IKBIP: variants seen among roughly 807,000 people sequenced by gnomAD.
The protein encoded by IKBIP is IKBKB interacting protein, also known as inhibitor of nuclear factor kappa-B kinase-interacting protein.
A neutral mutation model predicts 31.0 loss-of-function variants in IKBIP; 28 were observed. The ratio of observed to expected loss-of-function variants is 0.90; its 90% CI spans 0.67 to 1.24. IKBIP has a LOEUF of 1.24. IKBIP is among the 50% of genes most tolerant of loss of function. The pLI is 0.00. For missense variants in IKBIP, 453 were observed against 441.9 expected (o/e 1.03, Z -0.23); for synonymous variants, 164 against 160.3 (o/e 1.02, Z -0.17).
At chr12:98,614,696 C>A (rs2028302) in intron 2 of IKBIP, among the ~76,000 whole-genome samples, 49,838 of 152,012 alleles carry the variant, frequency 0.33, 9,026 homozygotes, top group East Asian at 0.51. Flanking sequence ...TAAATCCATG[C>A]CTGGGATTAC....
intron 2 of IKBIP, 115 bp downstream of exon 2, chr12:98,634,181 T>G: frequency 3.2e-6 from 2 of 622,322 alleles, no homozygotes; most frequent in Non-Finnish European, 2.9e-6. Context: ...TCAGTGAGAG[T>G]TAAAATAGTG....
chr12:98,615,475 C>T (rs906646840), intron 2 of IKBIP, among the ~76,000 whole-genome samples: 12 of 152,222 alleles, frequency 7.9e-5, no homozygotes, highest in Non-Finnish European at 1.2e-4. Context: ...GTGATTCGCC[C>T]GCCTCGACCT....
exon 3 of IKBIP, chr12:98,613,606 T>C: frequency 1.3e-6 from 2 of 1,513,640 alleles, no homozygotes; most frequent in Non-Finnish European, 1.8e-6. Context: ...CTGAAATGTG[T>C]GCTATTTCAT....
At chr12:98,631,789 C>G (rs1017695963) in intron 2 of IKBIP, among the ~76,000 whole-genome samples, 2 of 133,802 alleles carry the variant, frequency 1.5e-5, no homozygotes, top group African/African-American at 6.0e-5. Flanking sequence ...TGACCTCCCC[C>G]ACAAAAAAAA....
At chr12:98,632,621 T>C (rs78722274) in intron 2 of IKBIP, among the ~76,000 whole-genome samples, 6,831 of 66,488 alleles carry the variant, frequency 0.1, 589 homozygotes, top group African/African-American at 0.31. Context: ...CAGATTCCAA[T>C]TTTTTTTTTT....
At chr12:98,620,623 C>T (rs1362816668), downstream of IKBIP, among the ~76,000 whole-genome samples, 2 of 152,132 alleles carry the variant, frequency 1.3e-5, no homozygotes, top group African/African-American at 4.8e-5. Context: ...CCTCAGCCTC[C>T]CAAAGCGCTG....
chr12:98,638,997 T>C (rs561081145), intron 1 of IKBIP, among the ~76,000 whole-genome samples: 4 of 152,308 alleles, frequency 2.6e-5, no homozygotes, highest in Admixed American at 6.5e-5. Context: ...CCTGGAACAA[T>C]AGAGCCATAG....
chr12:98,644,675 C>A lies in IKBIP; in HGVS notation c.27G>T (p.Lys9Asn), dbSNP rs768916963. The A allele has an allele frequency of 8.1e-6, 13 of 1,610,420 alleles. No individual in the cohort carries two copies. The South Asian group carries it at 1.3e-4, about 16-fold the overall frequency. ...CAGCAGGGGCTCCCTTGGGCCCCGA[C>A]TTCTTCCGGCTCTTCACCTCAGACA... is the stretch of plus-strand genomic sequence containing the variant. MSEVKSRK[K>N]SGPKGAPAAE... Residue 9 changes from lysine to asparagine, a missense_variant, in exon 1 of 3, where the codon AAG (lysine) becomes AAT (asparagine). Physicochemically the swap from Lys to Asn is moderately conservative, Grantham distance 94. Transcript: ENST00000299157.
chr12:98,631,344 A>C (rs1287434398), intron 2 of IKBIP, among the ~76,000 whole-genome samples: 1 of 150,426 alleles, frequency 6.6e-6, no homozygotes, highest in African/African-American at 2.4e-5. Flanking sequence ...GCAGTGGTGC[A>C]ATCTCGGCTC....
chr12:98,616,359 TGA>T (rs1000228426), intron 2 of IKBIP, among the ~76,000 whole-genome samples: 2 of 152,166 alleles, frequency 1.3e-5, no homozygotes, highest in African/African-American at 4.8e-5. Context: ...GCTATTGAGT[TGA>T]GTTCCTTATA....
intron 2 of IKBIP, among the ~76,000 whole-genome samples, chr12:98,627,683 C>T (rs1167695001): frequency 6.6e-6 from 1 of 152,186 alleles, no homozygotes; most frequent in Non-Finnish European, 1.5e-5. Flanking sequence ...CGTGATCCGC[C>T]CACCTCAGCC....
intron 1 of IKBIP, 84 bp from the exon 2 acceptor site, chr12:98,634,497 T>C (rs2097623941): frequency 1.4e-6 from 1 of 691,006 alleles, no homozygotes; most frequent in Non-Finnish European, 2.5e-6. Context: ...CCCACTTCTG[T>C]TAAGAACAAC....
At chr12:98,617,211 C>T (rs2097606757) in intron 2 of IKBIP, among the ~76,000 whole-genome samples, 1 of 152,104 alleles carries the variant, frequency 6.6e-6, no homozygotes, top group Non-Finnish European at 1.5e-5. Flanking sequence ...GTAGAGAAGA[C>T]AGATAAGTAA....
chr12:98,633,898 A>G (rs938331303), intron 2 of IKBIP, among the ~76,000 whole-genome samples: 3 of 152,216 alleles, frequency 2.0e-5, no homozygotes, highest in Non-Finnish European at 2.9e-5. Flanking sequence ...TCTTTTCCCA[A>G]TAAGTGCTAT....
intron 1 of IKBIP, among the ~76,000 whole-genome samples, chr12:98,638,314 A>T (rs2097627620): frequency 6.6e-6 from 1 of 151,920 alleles, no homozygotes; most frequent in Non-Finnish European, 1.5e-5. Flanking sequence ...TAAAGACAAG[A>T]TCTCACTCTA....
chr12:98,626,449 C>T lies in IKBIP; in HGVS notation c.615G>A (p.Leu205=). The T allele has an allele frequency of 6.2e-7, 1 of 1,613,234 alleles. No homozygotes were observed. Among genetic ancestry groups the T allele is most frequent in the East Asian group, 2.2e-5 (1 of 44,876 alleles). The change falls in exon 3 of 3, where the codon TTG becomes TTA. Residue 205 remains leucine (L), a synonymous_variant. Transcript: ENST00000299157. ...IKLLTERLKD[L]EDSTLRNIRT... ...TAATATTTCTTAGTGTGCTATCTTC[C>T]AAATCTTTTAGCCGTTCAGTGAGCA...
Position 98,626,534 on chromosome 12 carries a change from G to A in IKBIP, c.530C>T (p.Ala177Val). 6.2e-7 allele frequency: 1 copy of A among 1,612,882 alleles called. No homozygotes were observed. Among genetic ancestry groups the A allele is most frequent in the South Asian group, 1.1e-5 (1 of 91,070 alleles). Residue 177 changes from alanine (A) to valine (V), a missense_variant, in exon 3 of 3, where the codon GCA (alanine) becomes GTA (valine). Transcript: ENST00000299157. Reference protein sequence around the residue: ...NINTDIFKSEAKHIHSQVTVQ... With the variant: ...NINTDIFKSEVKHIHSQVTVQ... ...AGTTACTTGAGAATGTATATGTTTT[G>A]CTTCTGATTTGAAAATGTCTGTATT... is the stretch of plus-strand genomic sequence containing the variant.
chr12:98,632,486 A>G (rs2097621202), intron 2 of IKBIP, among the ~76,000 whole-genome samples: 3 of 33,500 alleles, frequency 9.0e-5, no homozygotes, highest in African/African-American at 1.3e-4. Context: ...TCTATCTGAA[A>G]AAAAAAAAAA....
chr12:98,641,274 C>A (rs958312572), intron 1 of IKBIP, among the ~76,000 whole-genome samples: 2 of 152,048 alleles, frequency 1.3e-5, no homozygotes, highest in Non-Finnish European at 2.9e-5. Context: ...TTTAAGAGTA[C>A]ACAGACAGGC....
Sources: allele counts gnomAD v4.1 joint callset (sites outside exome capture counted in the v4.1 genomes callset), GRCh38; gene constraint gnomAD v4.1.1; transcripts MANE v1.5; gene names NCBI Gene and HGNC (gene_info 2026-07-23, HGNC 2026-07-21).